Variants in CCR9 observed in about 807,000 individuals in gnomAD.
CCR9 encodes the protein C-C chemokine receptor type 9.
CCR9 carries 4 observed loss-of-function variants against 8.7 expected under a neutral mutation model. The ratio of observed to expected loss-of-function variants is 0.46; its 90% CI spans 0.23 to 1.06. CCR9 has a LOEUF of 1.06. Ranked by LOEUF, CCR9 falls within the 50% of genes least tolerant of loss-of-function variation. The pLI is 0.21. For missense variants in CCR9, 394 were observed against 453.6 expected (o/e 0.87, Z 1.19); for synonymous variants, 159 against 168.8 (o/e 0.94, Z 0.45).
intron 1 of CCR9, among the ~76,000 whole-genome samples, chr3:45,890,316 TTTA>T (rs1702126398): frequency 1.6e-5 from 1 of 61,948 alleles, no homozygotes; most frequent in African/African-American, 9.1e-5. Flanking sequence ...TATATATATA[TTTA>T]TATAAATATA....
At chr3:45,892,909 G>A (rs571692305) in intron 1 of CCR9, among the ~76,000 whole-genome samples, 1 of 152,204 alleles carries the variant, frequency 6.6e-6, no homozygotes, top group African/African-American at 2.4e-5. Context: ...AGATGACACT[G>A]AGAAGTGAAG....
intron 2 of CCR9, among the ~76,000 whole-genome samples, chr3:45,898,593 A>G (rs561068842): frequency 3.3e-5 from 5 of 152,250 alleles, no homozygotes; most frequent in African/African-American, 1.2e-4. Context: ...TTGCTCACAT[A>G]TTGGAGATGG....
rs201772828 is a variant in CCR9 at position 45,901,388 on chromosome 3, G to T, written c.600G>T (p.Met200Ile). Residue 200 changes from methionine (M) to isoleucine (I), a missense_variant, in exon 3 of 3, where the codon ATG (methionine) becomes ATT (isoleucine). Physicochemically the swap from Met to Ile is conservative, Grantham distance 10. Coordinates refer to ENST00000357632, the MANE Select transcript of CCR9 (RefSeq NM_031200.3). The surrounding 1 kb of genome is among the most constrained non-coding windows in gnomAD (Gnocchi z 4.3). ...AATCCGGCATTGCTATCTGCACCATGGTTTACCCTAGCGATGAGAGCACCA... is the reference window on the plus strand; with the variant it reads ...AATCCGGCATTGCTATCTGCACCATTGTTTACCCTAGCGATGAGAGCACCA... ...KEESGIAICT[M>I]VYPSDESTKL... The T allele has an allele frequency of 1.1e-5, 17 of 1,614,184 alleles. No individual in the cohort carries two copies. The highest frequency in any genetic ancestry group is 1.4e-5 in the Non-Finnish European group (17 of 1,180,036).
At chr3:45,891,169 C>T (rs1054191294) in intron 1 of CCR9, among the ~76,000 whole-genome samples, 2 of 152,240 alleles carry the variant, frequency 1.3e-5, no homozygotes, top group African/African-American at 2.4e-5. Flanking sequence ...CAGTGAAATT[C>T]GGTGAATGCC....
chr3:45,899,861 C>T (rs1413713337), intron 2 of CCR9, among the ~76,000 whole-genome samples: 3 of 152,112 alleles, frequency 2.0e-5, no homozygotes, highest in Non-Finnish European at 4.4e-5. Context: ...TTCCTGTTTC[C>T]GTAGCAGGGG....
chr3:45,887,324 A>G (rs1247379030), intron 1 of CCR9, among the ~76,000 whole-genome samples: 1 of 152,142 alleles, frequency 6.6e-6, no homozygotes, highest in African/African-American at 2.4e-5. Flanking sequence ...TCAGAAACTT[A>G]ACAATGGCTA....
chr3:45,886,249 T>C (rs2286486), upstream of CCR9, among the ~76,000 whole-genome samples: 29,601 of 152,176 alleles, frequency 0.19, 3,093 homozygotes, highest in East Asian at 0.28. Flanking sequence ...CTGACAAGGC[T>C]GACTTCTCTC....
rs1359630074 is a variant in CCR9 at position 45,900,933 on chromosome 3, C to G, written c.145C>G (p.His49Asp). ...AAACAATGTCAGGCAGTTTGCGAGC[C>G]ATTTCCTCCCACCCTTGTACTGGCT... ...EKNNVRQFAS[H>D]FLPPLYWLVF... Residue 49 changes from histidine to aspartate, a missense_variant, in exon 3 of 3, where the codon CAT (histidine) becomes GAT (aspartate). Coordinates refer to ENST00000357632, the MANE Select transcript of CCR9 (RefSeq NM_031200.3). The surrounding 1 kb of genome is among the most constrained non-coding windows in gnomAD (Gnocchi z 4.7). The G allele has an allele frequency of 8.7e-6, 14 of 1,614,222 alleles. No individual in the cohort carries two copies. The highest frequency in any genetic ancestry group is 9.3e-6 in the Non-Finnish European group (11 of 1,180,042).
chr3:45,888,921 A>G (rs1702063408), intron 1 of CCR9, among the ~76,000 whole-genome samples: 1 of 152,222 alleles, frequency 6.6e-6, no homozygotes, highest in South Asian at 2.1e-4. Context: ...AAGCAGATGC[A>G]TATTTTATAA....
chr3:45,888,104 A>T (rs1464615400), intron 1 of CCR9, among the ~76,000 whole-genome samples: 4 of 152,224 alleles, frequency 2.6e-5, no homozygotes, highest in Non-Finnish European at 4.4e-5. Flanking sequence ...GTGATTGGAT[A>T]ATAATAGGTT....
At chr3:45,897,522 T>G in intron 2 of CCR9, 15 of 1,400,234 alleles carry the variant, frequency 1.1e-5, no homozygotes, top group Non-Finnish European at 1.4e-5. Context: ...ACCCAGGTCC[T>G]GGGATTTCTG....
chr3:45,887,251 C>CTGTGTGTGTG (rs36040178), intron 1 of CCR9, among the ~76,000 whole-genome samples: 2,089 of 149,204 alleles, frequency 0.014, 46 homozygotes, highest in African/African-American at 0.049. Flanking sequence ...GCGTGTGTGT[C>CTGTGTGTGTG]TGTGTGTGTG....
chr3:45,900,459 C>G lies in CCR9; in HGVS notation c.22-351C>G, dbSNP rs1040978765. 6.6e-6 allele frequency among the ~76,000 whole-genome samples: 1 copy of G among 152,146 alleles called. No individual in the cohort carries two copies. Among genetic ancestry groups the G allele is most frequent in the African/African-American group, 2.4e-5 (1 of 41,418 alleles). On this transcript the variant is annotated intron_variant, in intron 2 of 2. Transcript: ENST00000357632. This position sits in a 1 kb window ranked among gnomAD's most constrained non-coding sequence, Gnocchi z 4.7. ...AAACTGCCCATCAGTAGTGTGGAGG[C>G]ACTCTTACCCCATCAGAGCACTTGG...
In CCR9 at chr3:45,890,324, A is replaced by AC. The variant is rs572867024; in HGVS notation, c.-29+3669_-29+3670insC. Reference sequence around the variant, plus strand: ...TATAACATATATATATATTTATATAAATATATATATAACATATATATATAA... The same window carrying AC: ...TATAACATATATATATATTTATATAACATATATATATAACATATATATATAA... On this transcript the variant is annotated intron_variant, in intron 1 of 2. Transcript: ENST00000357632. Among the ~76,000 whole-genome samples, 38 of 83,090 alleles carry AC rather than the reference A, an allele frequency of 4.6e-4. 4 individuals are homozygous for AC. Among genetic ancestry groups the AC allele is most frequent in the South Asian group, 2.5e-3 (5 of 2,016 alleles). The allele number at this position is 83,090 out of a possible 152,430, so 54.5% of individuals were successfully genotyped here.
intron 2 of CCR9, chr3:45,897,565 C>T: frequency 6.5e-7 from 1 of 1,535,294 alleles, no homozygotes; most frequent in South Asian, 1.2e-5. Flanking sequence ...CTGCAGTCTC[C>T]TCCAGGCCCC....
Position 45,902,160 on chromosome 3 carries a change from C to A in CCR9, c.*262C>A. 1 of 363,856 alleles carries A rather than the reference C, an allele frequency of 2.7e-6. No individual in the cohort carries two copies. The allele number at this position is 363,856 out of a possible 1,614,324, so 22.5% of individuals were successfully genotyped here. On this transcript the variant is annotated 3_prime_UTR_variant, in exon 3 of 3. Coordinates refer to ENST00000357632, the MANE Select transcript of CCR9 (RefSeq NM_031200.3). ...GACTAAGGACCGGCACTGTGGAGCA[C>A]CCTGGCTTTGCCACTCGCCGGAGCA...
chr3:45,893,682 A>C (rs990288643), intron 1 of CCR9, among the ~76,000 whole-genome samples: 3 of 152,200 alleles, frequency 2.0e-5, no homozygotes, highest in African/African-American at 7.2e-5. Flanking sequence ...TAACTTATCC[A>C]TTTACTACTT....
intron 2 of CCR9, chr3:45,895,165 T>C: frequency 1.7e-6 from 1 of 587,526 alleles, no homozygotes; most frequent in African/African-American, 1.9e-5. Context: ...TTGGGGTATG[T>C]TGTGGAGACA....
intron 1 of CCR9, among the ~76,000 whole-genome samples, chr3:45,890,277 T>TATATTTATATATATATAAC (rs1702114711): frequency 5.8e-5 from 4 of 69,374 alleles, no homozygotes; most frequent in African/African-American, 2.1e-4. Flanking sequence ...ATAACATATA[T>TATATTTATATATATATAAC]ATATATTTAT....
Sources: allele counts gnomAD v4.1 joint callset (sites outside exome capture counted in the v4.1 genomes callset), GRCh38; gene constraint gnomAD v4.1.1; non-coding constraint Gnocchi (gnomAD v3.1); transcripts MANE v1.5; gene names NCBI Gene and HGNC (gene_info 2026-07-23, HGNC 2026-07-21).